Variants in PELI2 observed in about 807,000 individuals in gnomAD.
PELI2 encodes the protein pellino E3 ubiquitin protein ligase family member 2, also known as E3 ubiquitin-protein ligase pellino homolog 2.
PELI2 carries 23 observed loss-of-function variants against 42.3 expected under a neutral mutation model. The observed-to-expected ratio is 0.54, with a 90% CI of 0.39 to 0.77. PELI2 has a LOEUF of 0.77. Ranked by LOEUF, PELI2 falls within the 30% of genes least tolerant of loss-of-function variation. PELI2 has a pLI of 0.00. For missense variants in PELI2, 463 were observed against 553.2 expected, an observed-to-expected ratio of 0.84 and a Z score of 1.64; for synonymous variants, 245 against 212.2, an observed-to-expected ratio of 1.15 and a Z score of -1.34.
chr14:56,211,802 C>T (rs976654451), intron 2 of PELI2, among the ~76,000 whole-genome samples: 1 of 150,280 alleles, frequency 6.7e-6, no homozygotes, highest in African/African-American at 2.5e-5. Flanking sequence ...TTAAAAGGCT[C>T]TTTTTTTTTT....
intron 2 of PELI2, among the ~76,000 whole-genome samples, chr14:56,253,241 A>G (rs10873094): frequency 0.38 from 57,958 of 152,078 alleles, 12,364 homozygotes; most frequent in South Asian, 0.53. Flanking sequence ...CACAGCCAAT[A>G]TCACACTGAA....
intron 2 of PELI2, among the ~76,000 whole-genome samples, chr14:56,182,098 C>G (rs911711722): frequency 6.6e-6 from 1 of 152,182 alleles, no homozygotes; most frequent in Non-Finnish European, 1.5e-5. Context: ...GATATACATT[C>G]AACTGCGCAT....
chr14:56,239,813 G>A (rs1887913198), intron 2 of PELI2, among the ~76,000 whole-genome samples: 1 of 152,046 alleles, frequency 6.6e-6, no homozygotes, highest in Admixed American at 6.6e-5. Context: ...CGTGGCTGTT[G>A]TGTGACTTTC....
chr14:56,256,108 G>A (rs1888518362), intron 2 of PELI2, among the ~76,000 whole-genome samples: 1 of 152,112 alleles, frequency 6.6e-6, no homozygotes, highest in Non-Finnish European at 1.5e-5. Context: ...TCATGATGGA[G>A]TCAGTTTAGG....
At chr14:56,274,678 C>G (rs1413648905) in intron 2 of PELI2, among the ~76,000 whole-genome samples, 1 of 152,202 alleles carries the variant, frequency 6.6e-6, no homozygotes, top group African/African-American at 2.4e-5. Flanking sequence ...AGCAGGACAG[C>G]CAGTTCTAAC....
At chr14:56,233,291 T>C (rs1181360778) in intron 2 of PELI2, among the ~76,000 whole-genome samples, 1 of 152,106 alleles carries the variant, frequency 6.6e-6, no homozygotes, top group Non-Finnish European at 1.5e-5. Flanking sequence ...GAGCCCACAT[T>C]GCCAAGTCAA....
rs1890152254 is a variant in PELI2, at chr14:56,300,872, C to T, written c.*3706C>T. On this transcript the variant is annotated 3_prime_UTR_variant, in exon 6 of 6. Transcript: ENST00000267460. Reference sequence around the variant, plus strand: ...GACTTCAGCATCTTTTTAAAATAATCTAAGCATCATTGAAGCAGTAACACA... The same window carrying T: ...GACTTCAGCATCTTTTTAAAATAATTTAAGCATCATTGAAGCAGTAACACA... 1 of 152,108 alleles carries T rather than the reference C, an allele frequency of 6.6e-6. No homozygotes were observed. Among genetic ancestry groups the T allele is most frequent in the Admixed American group, 6.6e-5 (1 of 15,258 alleles). 9.4% of individuals were successfully genotyped at this position (152,108 alleles called of 1,614,324 possible).
intron 1 of PELI2, among the ~76,000 whole-genome samples, chr14:56,171,005 C>G (rs1215822324): frequency 6.6e-6 from 1 of 152,224 alleles, no homozygotes; most frequent in East Asian, 1.9e-4. Flanking sequence ...TTTCTACAAA[C>G]TTACTGGCTG....
At chr14:56,207,284 A>G (rs540986332) in intron 2 of PELI2, among the ~76,000 whole-genome samples, 1 of 152,312 alleles carries the variant, frequency 6.6e-6, no homozygotes, top group Non-Finnish European at 1.5e-5. Context: ...CAAAATCAGA[A>G]CAGCTTCTGC....
intron 1 of PELI2, among the ~76,000 whole-genome samples, chr14:56,155,489 C>T (rs2139629860): frequency 6.6e-6 from 1 of 152,056 alleles, no homozygotes; most frequent in South Asian, 2.1e-4. Context: ...GTGGTCCTCT[C>T]TTCATCATAC....
At chr14:56,253,786 A>C (rs768106159) in intron 2 of PELI2, among the ~76,000 whole-genome samples, 47 of 152,018 alleles carry the variant, frequency 3.1e-4, no homozygotes, top group Non-Finnish European at 5.2e-4. Flanking sequence ...CAAAAGATTC[A>C]GTGCTATCCC....
intron 1 of PELI2, among the ~76,000 whole-genome samples, chr14:56,131,568 G>A (rs987384307): frequency 1.2e-4 from 19 of 152,336 alleles, no homozygotes; most frequent in African/African-American, 4.6e-4. Context: ...AGCGACACAA[G>A]GGTGAAACCT....
At chr14:56,229,481 G>T (rs1054018447) in intron 2 of PELI2, among the ~76,000 whole-genome samples, 12 of 152,162 alleles carry the variant, frequency 7.9e-5, no homozygotes, top group African/African-American at 2.4e-4. Flanking sequence ...AGGCAAACGG[G>T]GTCTGGAGTA....
At chr14:56,190,954 T>C (rs1320977827) in intron 2 of PELI2, among the ~76,000 whole-genome samples, 1 of 152,262 alleles carries the variant, frequency 6.6e-6, no homozygotes, top group Non-Finnish European at 1.5e-5. Flanking sequence ...TTGGTTAGTC[T>C]GCTAAAACAG....
intron 2 of PELI2, among the ~76,000 whole-genome samples, chr14:56,187,934 C>G (rs146785396): frequency 6.6e-6 from 1 of 152,214 alleles, no homozygotes; most frequent in Non-Finnish European, 1.5e-5. Flanking sequence ...CAGGTGGCCA[C>G]GTTTTCTCTG....
chr14:56,248,393 A>G (rs922851820), intron 2 of PELI2, among the ~76,000 whole-genome samples: 2 of 151,998 alleles, frequency 1.3e-5, no homozygotes, highest in Admixed American at 6.6e-5. Flanking sequence ...AATCTGAAAG[A>G]ATTGAAGCAC....
chr14:56,168,626 A>G (rs1431966117), intron 1 of PELI2, among the ~76,000 whole-genome samples: 2 of 151,834 alleles, frequency 1.3e-5, no homozygotes, highest in East Asian at 3.9e-4. Context: ...GTCAAGTCCT[A>G]GAATCAGGGA....
At chr14:56,295,410 A>G (rs746368007) in intron 5 of PELI2, among the ~76,000 whole-genome samples, 1 of 151,654 alleles carries the variant, frequency 6.6e-6, no homozygotes, top group Admixed American at 6.6e-5. Flanking sequence ...AGCCTCATCA[A>G]ACTCCCTGTT....
intron 1 of PELI2, among the ~76,000 whole-genome samples, chr14:56,158,247 C>CT (rs1884636983): frequency 2.0e-5 from 3 of 152,040 alleles, no homozygotes; most frequent in Non-Finnish European, 4.4e-5. Flanking sequence ...AGGCTGGTCT[C>CT]GAACACCTGA....
Sources: allele counts gnomAD v4.1 joint callset (sites outside exome capture counted in the v4.1 genomes callset), GRCh38; gene constraint gnomAD v4.1.1; transcripts MANE v1.5; gene names NCBI Gene and HGNC (gene_info 2026-07-23, HGNC 2026-07-21).